The following DNAJB6 variants were observed in gnomAD, a reference collection of about 807,000 sequenced individuals.
The protein encoded by DNAJB6 is dnaJ homolog subfamily B member 6.
Under a neutral mutation model 42.7 loss-of-function variants are expected in DNAJB6, and 16 were observed. The observed-to-expected ratio is 0.37, with a 90% CI of 0.25 to 0.57. The LOEUF (loss-of-function observed/expected upper bound fraction) is 0.57, where lower values mean the gene tolerates loss of function less well. DNAJB6 is among the 20% of genes least tolerant of loss of function. The probability of loss-of-function intolerance (pLI) is 0.74; values close to 1 mark genes in which losing one functional copy is unlikely to be tolerated. For synonymous variants in DNAJB6, 170 were observed against 163.5 expected, an observed-to-expected ratio of 1.04 and a Z score of -0.30; for missense variants, 347 against 416.8, an observed-to-expected ratio of 0.83 and a Z score of 1.46.
chr7:157,393,027 G>T (rs929655039), intron 8 of DNAJB6, among the ~76,000 whole-genome samples: 2 of 152,156 alleles, frequency 1.3e-5, no homozygotes, highest in Non-Finnish European at 2.9e-5. Flanking sequence ...TGGATGGAGT[G>T]CAGTGGTGTG....
At chr7:157,362,999 T>A (rs1799679709) in intron 2 of DNAJB6, among the ~76,000 whole-genome samples, 162 bp from the exon 3 acceptor site, 1 of 152,148 alleles carries the variant, frequency 6.6e-6, no homozygotes, top group Non-Finnish European at 1.5e-5. Context: ...TAGAACTTTG[T>A]GTATTTCATT....
At chr7:157,371,589 C>T (rs976721368) in intron 5 of DNAJB6, among the ~76,000 whole-genome samples, 3 of 152,266 alleles carry the variant, frequency 2.0e-5, no homozygotes, top group African/African-American at 7.2e-5. Context: ...GGAATGCTGC[C>T]TCTGAATTGG....
intron 5 of DNAJB6, among the ~76,000 whole-genome samples, chr7:157,372,823 GAGA>G (rs1425017827): frequency 1.3e-5 from 2 of 152,166 alleles, no homozygotes; most frequent in African/African-American, 4.8e-5. Context: ...TTCTGAGGCT[GAGA>G]TGTGTCCCGT....
At chr7:157,337,598 G>C (rs1332351000) in intron 1 of DNAJB6, 1 of 151,950 alleles carries the variant, frequency 6.6e-6, no homozygotes, top group African/African-American at 2.4e-5. Flanking sequence ...TGCCGCAGCC[G>C]TGCCGCCAAG....
At chr7:157,355,223 G>A (rs778869055) in intron 1 of DNAJB6, among the ~76,000 whole-genome samples, 41 of 152,208 alleles carry the variant, frequency 2.7e-4, no homozygotes, top group Admixed American at 7.2e-4. Flanking sequence ...GCGCGGGCGC[G>A]ATCTCGGCTC....
At chr7:157,412,172 C>T (rs1253018771) in intron 9 of DNAJB6, 2 of 152,130 alleles carry the variant, frequency 1.3e-5, no homozygotes, top group African/African-American at 4.8e-5. Flanking sequence ...AAAGCTGACT[C>T]AAAGGATGAG....
At chr7:157,376,093 C>T (rs550360042) in intron 5 of DNAJB6, among the ~76,000 whole-genome samples, 1 of 152,144 alleles carries the variant, frequency 6.6e-6, no homozygotes, top group Non-Finnish European at 1.5e-5. Context: ...GGAATCCCTT[C>T]GCTTCGTTGT....
intron 1 of DNAJB6, among the ~76,000 whole-genome samples, chr7:157,351,883 G>A (rs185104336): frequency 1.3e-5 from 2 of 151,646 alleles, no homozygotes; most frequent in South Asian, 4.2e-4. Flanking sequence ...GTCCCAGCTA[G>A]CTGGGAGGCT....
chr7:157,404,857 T>C (rs909498881), intron 8 of DNAJB6, among the ~76,000 whole-genome samples: 3 of 152,060 alleles, frequency 2.0e-5, no homozygotes, highest in African/African-American at 7.2e-5. Flanking sequence ...TAAGCTGGTC[T>C]CAAACTCCTG....
intron 8 of DNAJB6, among the ~76,000 whole-genome samples, chr7:157,392,288 T>TA (rs1432235155): frequency 1.3e-5 from 2 of 151,972 alleles, no homozygotes; most frequent in Non-Finnish European, 2.9e-5. Context: ...TCTGTGGACT[T>TA]ACTCTCTTGA....
At chr7:157,369,405 T>C (rs897465883) in intron 5 of DNAJB6, 3 of 456,540 alleles carry the variant, frequency 6.6e-6, no homozygotes, top group African/African-American at 6.0e-5. Flanking sequence ...GATCGGTGAT[T>C]CTCATGGTGA....
intron 8 of DNAJB6, among the ~76,000 whole-genome samples, chr7:157,391,687 T>G (rs1801350722): frequency 6.6e-6 from 1 of 152,252 alleles, no homozygotes; most frequent in Non-Finnish European, 1.5e-5. Context: ...GGCAAAATAT[T>G]GATGTCCTTT....
chr7:157,337,171 G>A (rs1392297575), intron 1 of DNAJB6, 27 bp downstream of exon 1: 1 of 152,288 alleles, frequency 6.6e-6, no homozygotes, highest in Non-Finnish European at 1.5e-5. Context: ...AGGGTCGGGG[G>A]AGGTCGCCTA....
chr7:157,414,013 C>G (rs530593930), intron 9 of DNAJB6: 3 of 152,186 alleles, frequency 2.0e-5, no homozygotes, highest in African/African-American at 2.4e-5. Flanking sequence ...GGAGCCACCG[C>G]GCCCGGCAAT....
At chr7:157,385,472 C>G (rs1801004736) in intron 7 of DNAJB6, 69 bp from the exon 8 acceptor site, 1 of 1,527,860 alleles carries the variant, frequency 6.5e-7, no homozygotes, top group Non-Finnish European at 8.9e-7. Flanking sequence ...TGTCCTTAAA[C>G]AACTTAGTTA....
chr7:157,409,780 C>G lies in DNAJB6; in HGVS notation c.692-15C>G. ...CCGCTCACTCACGGCTCTCTCTCTC[C>G]CGCTGTGCCTGCAGGTGTGGCCGAC... On this transcript the variant is annotated splice_polypyrimidine_tract_variant and intron_variant, in intron 8 of 9. Transcript: ENST00000262177. The G allele has an allele frequency of 6.6e-7, 1 of 1,517,558 alleles. No homozygotes were observed. Among genetic ancestry groups the G allele is most frequent in the Non-Finnish European group, 8.8e-7 (1 of 1,135,070 alleles). 94.0% of individuals were successfully genotyped at this position (1,517,558 alleles called of 1,614,324 possible). A position where few individuals can be genotyped will look rare whatever the true frequency, so the allele number is the denominator to read the frequency against.
At chr7:157,370,322 G>GGCCCCTTCTTAACATTATTATTAAACA (rs1800140118) in intron 5 of DNAJB6, among the ~76,000 whole-genome samples, 2 of 149,664 alleles carry the variant, frequency 1.3e-5, no homozygotes, top group African/African-American at 4.9e-5. Flanking sequence ...ATTATTAAAC[G>GGCCCCTTCTTAACATTATTATTAAACA]GGCCCCTTCT....
chr7:157,395,980 C>T (rs1801567806), intron 8 of DNAJB6, among the ~76,000 whole-genome samples: 1 of 139,792 alleles, frequency 7.2e-6, no homozygotes, highest in Non-Finnish European at 1.5e-5. Context: ...CGTAGTCTTA[C>T]TCTGTCACCC....
At chr7:157,373,412 A>G (rs1237748212) in intron 5 of DNAJB6, among the ~76,000 whole-genome samples, 1 of 152,078 alleles carries the variant, frequency 6.6e-6, no homozygotes, top group Admixed American at 6.6e-5. Context: ...GTGCAGTGGC[A>G]CAGTCTCAGC....
Sources: gnomAD v4.1 joint callset for allele counts (sites outside exome capture counted in the v4.1 genomes callset) on GRCh38, gnomAD v4.1.1 for gene constraint, MANE v1.5 for transcripts, NCBI Gene and HGNC (gene_info 2026-07-23, HGNC 2026-07-21) for gene names.